The following EXOC6 variants were observed in gnomAD, a reference collection of about 807,000 sequenced individuals.
EXOC6 encodes SEC15-like 1.
EXOC6 carries 60 observed loss-of-function variants against 112.5 expected under a neutral mutation model. That is an observed-to-expected ratio of 0.53 (90% confidence interval 0.43 to 0.66). The LOEUF (loss-of-function observed/expected upper bound fraction) is 0.66, where lower values mean the gene tolerates loss of function less well. EXOC6 is among the 30% of genes least tolerant of loss of function. The pLI is 0.00. For missense variants in EXOC6, 855 were observed against 957.1 expected (o/e 0.89, Z 1.41); for synonymous variants, 295 against 308.0 (o/e 0.96, Z 0.44).
upstream of EXOC6, among the ~76,000 whole-genome samples, chr10:92,830,344 A>G (rs186543147): frequency 1.1e-3 from 166 of 152,242 alleles, no homozygotes; most frequent in African/African-American, 3.9e-3. Context: ...AACTTACTTA[A>G]AAAAAGGTTA....
At chr10:92,944,758 G>A (rs1299975176) in intron 13 of EXOC6, among the ~76,000 whole-genome samples, 1 of 150,538 alleles carries the variant, frequency 6.6e-6, no homozygotes, top group Non-Finnish European at 1.5e-5. Context: ...CAGCTGTGAG[G>A]TGATACCTCG....
At chr10:92,947,373 C>A (rs1484447814) in intron 13 of EXOC6, among the ~76,000 whole-genome samples, 2 of 152,180 alleles carry the variant, frequency 1.3e-5, no homozygotes, top group African/African-American at 4.8e-5. Context: ...CCATTCACAG[C>A]CCAATGGCCA....
intron 5 of EXOC6, among the ~76,000 whole-genome samples, chr10:92,908,496 G>A (rs1158660001): frequency 6.6e-6 from 1 of 152,094 alleles, no homozygotes; most frequent in Non-Finnish European, 1.5e-5. Flanking sequence ...GGAATACTAT[G>A]TAATTAATTT....
At chr10:92,956,340 T>TA (rs772846556) in intron 17 of EXOC6, among the ~76,000 whole-genome samples, 1 of 152,112 alleles carries the variant, frequency 6.6e-6, no homozygotes, top group Non-Finnish European at 1.5e-5. Flanking sequence ...AAACTAATGA[T>TA]AAACCATGTA....
chr10:92,880,124 C>T (rs977131884), intron 1 of EXOC6, among the ~76,000 whole-genome samples: 1 of 152,052 alleles, frequency 6.6e-6, no homozygotes. Flanking sequence ...TTCCGGGAAC[C>T]GGTGTGGATA....
intron 18 of EXOC6, among the ~76,000 whole-genome samples, chr10:92,991,309 G>A (rs1467506499): frequency 6.6e-6 from 1 of 151,584 alleles, no homozygotes; most frequent in Admixed American, 6.6e-5. Context: ...GGTCCCTCAC[G>A]CCTGTAGTCA....
At chr10:93,050,886 A>C (rs1846257902) in intron 20 of EXOC6, among the ~76,000 whole-genome samples, 1 of 152,060 alleles carries the variant, frequency 6.6e-6, no homozygotes, top group African/African-American at 2.4e-5. Flanking sequence ...CAACAACAAC[A>C]GAAAACACAA....
chr10:92,964,470 G>A (rs1174993920), intron 17 of EXOC6, among the ~76,000 whole-genome samples: 6 of 152,108 alleles, frequency 3.9e-5, no homozygotes, highest in Admixed American at 3.3e-4. Flanking sequence ...ATTAGAGCAG[G>A]AAGAAGTTAA....
upstream of EXOC6, among the ~76,000 whole-genome samples, chr10:92,830,577 C>T (rs956755905): frequency 2.0e-5 from 3 of 152,084 alleles, no homozygotes; most frequent in Non-Finnish European, 4.4e-5. Context: ...ATGTGTGTTG[C>T]GGGTCAGGTG....
intron 20 of EXOC6, among the ~76,000 whole-genome samples, chr10:93,038,953 C>T (rs1845642884): frequency 1.3e-5 from 2 of 152,122 alleles, no homozygotes; most frequent in African/African-American, 4.8e-5. Context: ...GAGAACTCAA[C>T]GCTGCCAACA....
chr10:92,987,565 A>G (rs1200606526), intron 18 of EXOC6: 1 of 909,608 alleles, frequency 1.1e-6, no homozygotes. Flanking sequence ...CTGTGATTAG[A>G]ATACATTTTC....
chr10:92,990,951 A>G (rs1487890422), intron 18 of EXOC6, among the ~76,000 whole-genome samples: 1 of 152,156 alleles, frequency 6.6e-6, no homozygotes, highest in Non-Finnish European at 1.5e-5. Context: ...ATACAAATTC[A>G]TGAGTGACAA....
intron 6 of EXOC6, 30 bp downstream of exon 6, chr10:92,909,661 T>C: frequency 7.3e-7 from 1 of 1,361,450 alleles, no homozygotes; most frequent in Non-Finnish European, 1.0e-6. Context: ...TGATTTAATA[T>C]TATTTAGTAA....
chr10:93,007,427 G>A (rs1338250395), intron 19 of EXOC6, among the ~76,000 whole-genome samples: 1 of 152,088 alleles, frequency 6.6e-6, no homozygotes, highest in Non-Finnish European at 1.5e-5. Flanking sequence ...GAGGTGGGTG[G>A]ATCACCTGAG....
intron 1 of EXOC6, among the ~76,000 whole-genome samples, chr10:92,865,027 C>A: frequency 6.6e-6 from 1 of 152,120 alleles, no homozygotes; most frequent in Non-Finnish European, 1.5e-5. Context: ...GCTGTTTTCA[C>A]ATGAATCAAT....
At chr10:92,935,351 A>C (rs925312147) in intron 11 of EXOC6, among the ~76,000 whole-genome samples, 8 of 152,048 alleles carry the variant, frequency 5.3e-5, no homozygotes, top group African/African-American at 1.9e-4. Flanking sequence ...TCACTTTCAA[A>C]ATCTTATTAA....
chr10:92,972,357 T>G (rs1842333844), intron 17 of EXOC6, among the ~76,000 whole-genome samples: 1 of 151,936 alleles, frequency 6.6e-6, no homozygotes, highest in South Asian at 2.1e-4. Context: ...AACAAAAAAG[T>G]ACACATTCAA....
chr10:92,925,870 C>G (rs1385692183), intron 8 of EXOC6, among the ~76,000 whole-genome samples: 2 of 151,964 alleles, frequency 1.3e-5, no homozygotes, highest in Non-Finnish European at 2.9e-5. Flanking sequence ...GACATGCTGC[C>G]TAGGCTGATC....
intron 20 of EXOC6, among the ~76,000 whole-genome samples, chr10:93,052,550 A>G (rs529942740): frequency 6.6e-6 from 1 of 152,238 alleles, no homozygotes; most frequent in Admixed American, 6.5e-5. Context: ...CAGATTAGTT[A>G]TGAAGGGTAT....
Sources: allele counts gnomAD v4.1 joint callset (sites outside exome capture counted in the v4.1 genomes callset), GRCh38; gene constraint gnomAD v4.1.1; transcripts MANE v1.5; gene names NCBI Gene and HGNC (gene_info 2026-07-23, HGNC 2026-07-21).